Variants in IL1RAPL1 observed in about 807,000 individuals in gnomAD.
IL1RAPL1 encodes interleukin-1 receptor accessory protein-like 1.
A neutral mutation model predicts 48.4 loss-of-function variants in IL1RAPL1; 3 were observed. The observed-to-expected ratio is 0.06, with a 90% CI of 0.03 to 0.16. The LOEUF (loss-of-function observed/expected upper bound fraction) is 0.16. Ranked by LOEUF, IL1RAPL1 falls within the 10% of genes least tolerant of loss-of-function variation. The pLI is 1.00. For synonymous variants in IL1RAPL1, 185 were observed against 187.7 expected (o/e 0.99, Z 0.12); for missense variants, 349 against 530.6 (o/e 0.66, Z 3.36).
chrX:29,583,817 A>T (rs1415860153), intron 5 of IL1RAPL1, among the ~76,000 whole-genome samples: 1 of 111,116 alleles, frequency 9.0e-6, no homozygotes, highest in African/African-American at 3.3e-5. Flanking sequence ...GACTTCAAAG[A>T]TAGCATCTTA....
intron 2 of IL1RAPL1, among the ~76,000 whole-genome samples, chrX:29,016,568 A>G (rs1310640883): frequency 9.0e-6 from 1 of 111,142 alleles, no homozygotes; most frequent in Non-Finnish European, 1.9e-5. Flanking sequence ...GAAGTTTTAT[A>G]TGTATATTCA....
chrX:29,315,425 C>T (rs1333445002), intron 3 of IL1RAPL1, among the ~76,000 whole-genome samples: 2 of 111,474 alleles, frequency 1.8e-5, no homozygotes, highest in Non-Finnish European at 3.8e-5. Context: ...CATGGAAAGA[C>T]TTAAAATTGC....
intron 2 of IL1RAPL1, among the ~76,000 whole-genome samples, chrX:29,043,686 T>C (rs1414477050): frequency 8.9e-6 from 1 of 111,903 alleles, no homozygotes; most frequent in Non-Finnish European, 1.9e-5. Context: ...CTTCATTGGC[T>C]TGGCTAATCT....
intron 3 of IL1RAPL1, among the ~76,000 whole-genome samples, chrX:29,308,662 A>G (rs1400298079): frequency 8.9e-6 from 1 of 112,474 alleles, no homozygotes; most frequent in East Asian, 2.8e-4. Context: ...TGACTAAATT[A>G]TTACACACCA....
chrX:28,715,489 A>G (rs781361681), intron 1 of IL1RAPL1, among the ~76,000 whole-genome samples: 1 of 111,672 alleles, frequency 9.0e-6, no homozygotes, highest in Non-Finnish European at 1.9e-5. Flanking sequence ...TAAAAGAACT[A>G]GAGAACCAAG....
At chrX:29,063,587 T>G (rs1927387729) in intron 2 of IL1RAPL1, among the ~76,000 whole-genome samples, 1 of 111,930 alleles carries the variant, frequency 8.9e-6, no homozygotes, top group Admixed American at 9.5e-5. Flanking sequence ...AAGAGTGTAG[T>G]AGTTTAAAGG....
intron 2 of IL1RAPL1, among the ~76,000 whole-genome samples, chrX:29,197,174 C>T (rs1180027355): frequency 1.8e-5 from 2 of 111,344 alleles, no homozygotes; most frequent in Non-Finnish European, 3.8e-5. Flanking sequence ...ATTTAATTTA[C>T]TTATATACAA....
rs765234944 is a variant in IL1RAPL1 at position 29,552,802 on chromosome X, C to CTTTTTTTTTTTTTTT, written c.704-115617_704-115603dup. 6.1e-3 allele frequency among the ~76,000 whole-genome samples: 141 copies of CTTTTTTTTTTTTTTT among 22,993 alleles called. 1 individual carries two copies. The highest frequency in any genetic ancestry group is 0.018 in the East Asian group (8 of 457). 20.0% of individuals were successfully genotyped at this position (22,993 alleles called of 115,157 possible). ...AAGTTCATTCATGTTTTTCACTCTC[C>CTTTTTTTTTTTTTTT]TTTTTTTTTTTTTTTTTTTTTTTTT... On this transcript the variant is annotated intron_variant, in intron 5 of 10. Coordinates refer to ENST00000378993, the MANE Select transcript of IL1RAPL1 (RefSeq NM_014271.4).
At chrX:28,619,082 A>G (rs1319215141) in intron 1 of IL1RAPL1, among the ~76,000 whole-genome samples, 1 of 112,239 alleles carries the variant, frequency 8.9e-6, no homozygotes, top group East Asian at 2.8e-4. Flanking sequence ...TATTTTACTC[A>G]CTAAGTTAAA....
At chrX:29,658,163 C>G (rs1386139699) in intron 5 of IL1RAPL1, among the ~76,000 whole-genome samples, 7 of 111,472 alleles carry the variant, frequency 6.3e-5, no homozygotes, top group Admixed American at 1.9e-4. Context: ...GTCGTACTCT[C>G]TTTTGTTTAC....
At chrX:28,891,852 G>A (rs1922777921) in intron 2 of IL1RAPL1, among the ~76,000 whole-genome samples, 1 of 111,435 alleles carries the variant, frequency 9.0e-6, no homozygotes, top group African/African-American at 3.3e-5. Flanking sequence ...ATCTGAGGGT[G>A]CCAGTTCCTC....
chrX:28,645,854 C>T (rs958904392), intron 1 of IL1RAPL1, among the ~76,000 whole-genome samples: 5 of 111,796 alleles, frequency 4.5e-5, no homozygotes, highest in Non-Finnish European at 7.5e-5. Flanking sequence ...CTCTTCTACC[C>T]CACCAATGTT....
At chrX:29,520,742 T>C (rs1330758993) in intron 5 of IL1RAPL1, among the ~76,000 whole-genome samples, 1 of 111,635 alleles carries the variant, frequency 9.0e-6, no homozygotes, top group Non-Finnish European at 1.9e-5. Flanking sequence ...TATTGGATCT[T>C]ATAATTAAGT....
At chrX:29,411,036 A>C (rs1467294148) in intron 5 of IL1RAPL1, among the ~76,000 whole-genome samples, 1 of 111,341 alleles carries the variant, frequency 9.0e-6, no homozygotes. Context: ...GGGCCTTAAC[A>C]GGGTCCTCCT....
intron 2 of IL1RAPL1, among the ~76,000 whole-genome samples, chrX:29,081,025 T>TCTCTC (rs56240244): frequency 1.2e-3 from 54 of 44,571 alleles, no homozygotes; most frequent in Admixed American, 2.7e-3. Flanking sequence ...TCTCTCTTTC[T>TCTCTC]TTTCTTTTCT....
At chrX:28,854,727 A>T (rs1921759165) in intron 2 of IL1RAPL1, among the ~76,000 whole-genome samples, 1 of 111,278 alleles carries the variant, frequency 9.0e-6, no homozygotes, top group Admixed American at 9.5e-5. Flanking sequence ...GAGAATTGTT[A>T]GGAAAGTAAG....
chrX:29,275,656 G>C (rs1363741710), intron 2 of IL1RAPL1, among the ~76,000 whole-genome samples: 1 of 112,068 alleles, frequency 8.9e-6, no homozygotes, highest in Non-Finnish European at 1.9e-5. Flanking sequence ...TTCTTGCTTT[G>C]TGTTTCCTCA....
At chrX:29,927,256 A>G (rs760794081) in intron 8 of IL1RAPL1, among the ~76,000 whole-genome samples, 1 of 112,464 alleles carries the variant, frequency 8.9e-6, no homozygotes, top group Non-Finnish European at 1.9e-5. Flanking sequence ...TAGACAATAG[A>G]TCTTTCTAAT....
chrX:29,955,777 C>T lies in IL1RAPL1; in HGVS notation c.2048C>T (p.Pro683Leu). 8.3e-7 allele frequency: 1 copy of T among 1,210,929 alleles called. No individual in the cohort carries two copies. Among genetic ancestry groups the T allele is most frequent in the Non-Finnish European group, 1.1e-6 (1 of 895,154 alleles). ...DEAHTNSAIL[P>L]LLPRETSISS... ...GCCCACACAAACAGTGCCATCCTGCCGCTGTTGCCAAGGGAGACCAGTATA... is the reference window on the plus strand; with the variant it reads ...GCCCACACAAACAGTGCCATCCTGCTGCTGTTGCCAAGGGAGACCAGTATA... The change falls in exon 11 of 11, where the codon CCG (proline) becomes CTG (leucine). Residue 683 changes from proline (P) to leucine (L), a missense_variant. Physicochemically the swap from Pro to Leu is moderately conservative, Grantham distance 98. Coordinates refer to ENST00000378993, the MANE Select transcript of IL1RAPL1 (RefSeq NM_014271.4).
Sources: gnomAD v4.1 joint callset for allele counts (sites outside exome capture counted in the v4.1 genomes callset) on GRCh38, gnomAD v4.1.1 for gene constraint, MANE v1.5 for transcripts, NCBI Gene and HGNC (gene_info 2026-07-23, HGNC 2026-07-21) for gene names.